Variants in PDE4D observed in about 807,000 individuals in gnomAD.
PDE4D encodes 3',5'-cyclic-AMP phosphodiesterase 4D.
A neutral mutation model predicts 87.4 loss-of-function variants in PDE4D; 24 were observed. The observed-to-expected ratio is 0.27, with a 90% CI of 0.20 to 0.39. PDE4D has a LOEUF of 0.39. Among genes scored for constraint, PDE4D ranks in the 10% least tolerant of loss-of-function variants. The pLI is 1.00. For missense variants in PDE4D, 714 were observed against 1,041.0 expected, an observed-to-expected ratio of 0.69 and a Z score of 4.32; for synonymous variants, 384 against 383.2, an observed-to-expected ratio of 1.00 and a Z score of -0.02.
At chr5:60,331,728 A>C (rs4394088) in intron 1 of PDE4D, among the ~76,000 whole-genome samples, 38,784 of 152,120 alleles carry the variant, frequency 0.25, 5,411 homozygotes, top group East Asian at 0.48. Context: ...TCTGAAATGC[A>C]GGGCTGGGCA....
At chr5:59,403,187 AGATT>A (rs771463744) in intron 1 of PDE4D, among the ~76,000 whole-genome samples, 1 of 150,762 alleles carries the variant, frequency 6.6e-6, no homozygotes, top group East Asian at 1.9e-4. Context: ...ATAGATAGAT[AGATT>A]GATTGATTTA....
At chr5:59,169,378 A>G (rs1782413967) in intron 5 of PDE4D, among the ~76,000 whole-genome samples, 1 of 152,110 alleles carries the variant, frequency 6.6e-6, no homozygotes, top group African/African-American at 2.4e-5. Context: ...AAGAAGACAA[A>G]AAGAATGCAA....
chr5:60,293,868 T>C (rs1053540250), intron 1 of PDE4D, among the ~76,000 whole-genome samples: 12 of 152,222 alleles, frequency 7.9e-5, no homozygotes, highest in African/African-American at 2.9e-4. Flanking sequence ...TTTATGAATA[T>C]GTGGGTTTAT....
chr5:59,856,303 A>G (rs9292216), intron 1 of PDE4D, among the ~76,000 whole-genome samples: 15,643 of 152,142 alleles, frequency 0.1, 2,536 homozygotes, highest in African/African-American at 0.34. Context: ...GTTCATACTT[A>G]CAATACAGGC....
chr5:59,997,586 C>A (rs901668815), intron 2 of PDE4D, among the ~76,000 whole-genome samples: 1 of 152,034 alleles, frequency 6.6e-6, no homozygotes, highest in East Asian at 1.9e-4. Flanking sequence ...AAAGGGGAGA[C>A]AAAGTAAAGC....
At chr5:59,625,984 T>A (rs1225084329) in intron 1 of PDE4D, among the ~76,000 whole-genome samples, 4 of 151,844 alleles carry the variant, frequency 2.6e-5, no homozygotes, top group Non-Finnish European at 4.4e-5. Flanking sequence ...GCTACTTGGG[T>A]GGCTGAGGCA....
chr5:60,171,288 C>T (rs1050290980), intron 2 of PDE4D, among the ~76,000 whole-genome samples: 3 of 151,964 alleles, frequency 2.0e-5, no homozygotes, highest in African/African-American at 7.2e-5. Context: ...TAGGTAGATA[C>T]AGTTGATTCC....
At chr5:59,432,248 A>G (rs1796209328) in intron 1 of PDE4D, among the ~76,000 whole-genome samples, 1 of 145,368 alleles carries the variant, frequency 6.9e-6, no homozygotes, top group Admixed American at 6.8e-5. Context: ...GTGGGCTCAT[A>G]CTATGTATAA....
chr5:59,799,644 A>G (rs7713809), intron 1 of PDE4D, among the ~76,000 whole-genome samples: 3,405 of 152,342 alleles, frequency 0.022, 128 homozygotes, highest in African/African-American at 0.078. Flanking sequence ...TATCATGCAA[A>G]CAGGCTGTGT....
intron 5 of PDE4D, among the ~76,000 whole-genome samples, chr5:59,173,796 C>G (rs1371450915): frequency 1.3e-5 from 2 of 152,156 alleles, no homozygotes; most frequent in Non-Finnish European, 2.9e-5. Flanking sequence ...GGTCTCTTGT[C>G]TTCCCTATAC....
At chr5:59,009,270 T>C (rs1001823397) in intron 6 of PDE4D, among the ~76,000 whole-genome samples, 1 of 152,140 alleles carries the variant, frequency 6.6e-6, no homozygotes, top group Non-Finnish European at 1.5e-5. Flanking sequence ...TAAAGACCTA[T>C]ATGAAAATGT....
At chr5:59,822,856 A>G (rs1769861157) in intron 1 of PDE4D, among the ~76,000 whole-genome samples, 1 of 152,200 alleles carries the variant, frequency 6.6e-6, no homozygotes, top group African/African-American at 2.4e-5. Flanking sequence ...GCTGTCTCAT[A>G]CAGTCATCAT....
At chr5:59,122,439 T>C (rs1774703361) in intron 5 of PDE4D, among the ~76,000 whole-genome samples, 2 of 152,124 alleles carry the variant, frequency 1.3e-5, no homozygotes, top group African/African-American at 4.8e-5. Context: ...GATTGATTAA[T>C]GGGTGCAAAC....
At chr5:59,240,476 A>T (rs1374456151) in intron 1 of PDE4D, among the ~76,000 whole-genome samples, 1 of 152,106 alleles carries the variant, frequency 6.6e-6, no homozygotes, top group East Asian at 1.9e-4. Context: ...ATAGTTCTTC[A>T]GATATTTGAT....
chr5:60,475,138 T>TC (rs1289699832), intron 1 of PDE4D, among the ~76,000 whole-genome samples: 4 of 152,050 alleles, frequency 2.6e-5, no homozygotes, highest in African/African-American at 7.2e-5. Context: ...CTAGGTCTTC[T>TC]CCCCCCTAAT....
chr5:59,771,550 G>GAAAGAAAGAAAGAAAGAAAGAA (rs148552085), intron 1 of PDE4D, among the ~76,000 whole-genome samples: 57 of 134,602 alleles, frequency 4.2e-4, no homozygotes, highest in African/African-American at 1.6e-3. Context: ...AAGAAAGAAA[G>GAAAGAAAGAAAGAAAGAAAGAA]AAAAGAAAGA....
chr5:59,536,637 C>A (rs1232668051), intron 1 of PDE4D, among the ~76,000 whole-genome samples: 2 of 150,928 alleles, frequency 1.3e-5, no homozygotes, highest in African/African-American at 2.4e-5. Flanking sequence ...TATTTAACTT[C>A]TCCCACTTTT....
chr5:59,844,012 T>C (rs1561753674), intron 1 of PDE4D, among the ~76,000 whole-genome samples: 3 of 152,100 alleles, frequency 2.0e-5, no homozygotes, highest in South Asian at 4.1e-4. Flanking sequence ...AGGTCTGTTA[T>C]ACTCACCACC....
In PDE4D at chr5:59,354,512, C is replaced by CT. The variant is rs1781039721; in HGVS notation, c.456-138545dup. Among the ~76,000 whole-genome samples the CT allele has an allele frequency of 2.6e-5, 4 of 151,954 alleles. No individual in the cohort carries two copies. The South Asian group carries it at 8.3e-4, about 31-fold the overall frequency. On this transcript the variant is annotated intron_variant, in intron 1 of 14. Transcript: ENST00000340635. ...GCCTGTGTGTGGTGTGTATATGTGT[C>CT]TGTATATATATAGAGTGACTCATGG...
Sources: gnomAD v4.1 joint callset for allele counts (sites outside exome capture counted in the v4.1 genomes callset) on GRCh38, gnomAD v4.1.1 for gene constraint, MANE v1.5 for transcripts, NCBI Gene and HGNC (gene_info 2026-07-23, HGNC 2026-07-21) for gene names.